The following RTN1 variants were observed in gnomAD, a reference collection of about 807,000 sequenced individuals.
RTN1 encodes the protein reticulon 1.
Under a neutral mutation model 65.5 loss-of-function variants are expected in RTN1, and 25 were observed. That is an observed-to-expected ratio of 0.38 (90% CI 0.28 to 0.53). The LOEUF (loss-of-function observed/expected upper bound fraction) is 0.53, where lower values mean the gene tolerates loss of function less well. Among genes scored for constraint, RTN1 ranks in the 20% least tolerant of loss-of-function variants. RTN1 has a pLI of 0.79. For synonymous variants in RTN1, 471 were observed against 447.6 expected (o/e 1.05, Z -0.66); for missense variants, 983 against 1,025.4 (o/e 0.96, Z 0.57).
intron 3 of RTN1, among the ~76,000 whole-genome samples, chr14:59,668,903 A>C (rs1166606155): frequency 1.3e-5 from 2 of 152,198 alleles, no homozygotes; most frequent in Non-Finnish European, 2.9e-5. Context: ...AACCACAATG[A>C]GATGCCATCT....
chr14:59,839,859 A>C (rs1887279924), intron 1 of RTN1, among the ~76,000 whole-genome samples: 1 of 152,110 alleles, frequency 6.6e-6, no homozygotes, highest in Admixed American at 6.6e-5. Context: ...GTATGTTTTT[A>C]GTATTACACA....
intron 3 of RTN1, among the ~76,000 whole-genome samples, chr14:59,685,671 C>T (rs964733354): frequency 2.6e-5 from 4 of 152,034 alleles, no homozygotes; most frequent in African/African-American, 7.2e-5. Context: ...GAAAAAGACA[C>T]AAATAAATGG....
At chr14:59,854,676 C>T (rs1435426934) in intron 1 of RTN1, among the ~76,000 whole-genome samples, 1 of 142,044 alleles carries the variant, frequency 7.0e-6, no homozygotes, top group African/African-American at 2.6e-5. Flanking sequence ...AGATGCTGCA[C>T]AAGAAAAGCC....
At position 59,825,798 on chromosome 14, in the gene RTN1, T is replaced by C. The variant is rs548511492; in HGVS notation, c.241+44592A>G. Among the ~76,000 whole-genome samples, 143 of 152,252 alleles carry C rather than the reference T, an allele frequency of 9.4e-4. No homozygotes were observed. The highest frequency in any genetic ancestry group is 9.9e-4 in the Non-Finnish European group (67 of 68,008). On this transcript the variant is annotated intron_variant, in intron 1 of 8. Coordinates refer to ENST00000267484, the MANE Select transcript of RTN1 (RefSeq NM_021136.3). The surrounding 1 kb of genome is among the most constrained non-coding windows in gnomAD (Gnocchi z 4.2). ...TAGACCTCGGGTATGCCATAGAAACTAAATGGCATTACCCAAGGTCTCAAA... is the reference window on the plus strand; with the variant it reads ...TAGACCTCGGGTATGCCATAGAAACCAAATGGCATTACCCAAGGTCTCAAA...
At chr14:59,603,313 C>T in intron 6 of RTN1, 55 bp from the exon 7 acceptor site, 1 of 1,308,276 alleles carries the variant, frequency 7.6e-7, no homozygotes, top group Non-Finnish European at 1.1e-6. Context: ...TAAGAATACG[C>T]TTATAGACAC....
At chr14:59,755,321 G>GTA (rs1273785667) in intron 1 of RTN1, among the ~76,000 whole-genome samples, 9 of 152,136 alleles carry the variant, frequency 5.9e-5, no homozygotes, top group Admixed American at 2.6e-4. Context: ...ATATTAACAG[G>GTA]TATAGGGGAC....
chr14:59,857,208 T>A (rs1191264016), intron 1 of RTN1, among the ~76,000 whole-genome samples: 1 of 152,186 alleles, frequency 6.6e-6, no homozygotes, highest in Non-Finnish European at 1.5e-5. Context: ...TAAGCTTTTT[T>A]AATGAGGGGC....
chr14:59,702,315 T>C (rs560168318), intron 3 of RTN1, among the ~76,000 whole-genome samples: 35 of 152,334 alleles, frequency 2.3e-4, no homozygotes, highest in African/African-American at 7.2e-4. Flanking sequence ...TTACTTATGA[T>C]CTACATCTGT....
intron 3 of RTN1, 147 bp downstream of exon 3, chr14:59,726,772 C>T (rs1884769751): frequency 1.4e-6 from 1 of 714,494 alleles, no homozygotes; most frequent in Non-Finnish European, 2.3e-6. Flanking sequence ...CTCTCATCTC[C>T]TCCCATCCCC....
intron 3 of RTN1, among the ~76,000 whole-genome samples, chr14:59,635,049 T>C (rs1484942671): frequency 1.3e-5 from 2 of 152,200 alleles, no homozygotes; most frequent in Non-Finnish European, 2.9e-5. Context: ...TGATAAATTC[T>C]AGGGTTATGA....
intron 1 of RTN1, among the ~76,000 whole-genome samples, chr14:59,855,893 G>A (rs369553446): frequency 1.3e-5 from 2 of 152,152 alleles, no homozygotes; most frequent in African/African-American, 4.8e-5. Context: ...ATGGAGGTGG[G>A]ACCTCAGTTT....
intron 6 of RTN1, 106 bp from the exon 7 acceptor site, chr14:59,603,364 T>C: frequency 2.5e-6 from 2 of 807,758 alleles, no homozygotes; most frequent in East Asian, 2.8e-5. Flanking sequence ...TTATTTGGAA[T>C]ATACAGCATT....
At position 59,790,469 on chromosome 14, in the gene RTN1, CCTTATTGT is replaced by C. The variant is rs1232031754; in HGVS notation, c.242-43996_242-43989del. Among the ~76,000 whole-genome samples, 2 of 151,922 alleles carry C rather than the reference CCTTATTGT, an allele frequency of 1.3e-5. No individual in the cohort carries two copies. Among genetic ancestry groups the C allele is most frequent in the African/African-American group, 2.4e-5 (1 of 41,372 alleles). On this transcript the variant is annotated intron_variant, in intron 1 of 8. Transcript: ENST00000267484. This position sits in a 1 kb window ranked among gnomAD's most constrained non-coding sequence, Gnocchi z 4.1. ...TTATTCATAATTTTTCTCCACTTTG[CCTTATTGT>C]CTTTTGGCTTTGATTGCTGCCTTGG...
chr14:59,728,442 G>C (rs1041992127), intron 2 of RTN1, among the ~76,000 whole-genome samples: 6 of 151,828 alleles, frequency 4.0e-5, no homozygotes, highest in Non-Finnish European at 5.9e-5. Flanking sequence ...CAAAACCTGA[G>C]AGTCACTCCT....
intron 3 of RTN1, among the ~76,000 whole-genome samples, chr14:59,639,104 G>A (rs1029779538): frequency 3.9e-5 from 6 of 152,172 alleles, no homozygotes; most frequent in African/African-American, 1.4e-4. Flanking sequence ...GGAATAAAGA[G>A]ACGTGAGAAG....
At chr14:59,652,500 A>C (rs761669211) in intron 3 of RTN1, among the ~76,000 whole-genome samples, 2 of 152,226 alleles carry the variant, frequency 1.3e-5, no homozygotes, top group African/African-American at 2.4e-5. Flanking sequence ...ATGTAGCCAT[A>C]AAAATGAACA....
At chr14:59,848,750 G>A (rs1487371890) in intron 1 of RTN1, among the ~76,000 whole-genome samples, 1 of 152,100 alleles carries the variant, frequency 6.6e-6, no homozygotes, top group Non-Finnish European at 1.5e-5. Flanking sequence ...TAAAACTCTG[G>A]TGCTTATATG....
intron 3 of RTN1, among the ~76,000 whole-genome samples, chr14:59,722,594 G>T (rs1304324225): frequency 6.6e-6 from 1 of 152,052 alleles, no homozygotes; most frequent in Non-Finnish European, 1.5e-5. Flanking sequence ...AGCTGATATT[G>T]TCCCTAATTT....
intron 1 of RTN1, among the ~76,000 whole-genome samples, chr14:59,869,579 T>TGG (rs753626233): frequency 7.1e-5 from 4 of 56,352 alleles, no homozygotes; most frequent in Non-Finnish European, 1.3e-4. Flanking sequence ...ATTTCCGGGG[T>TGG]GGGGGGGGGG....
Sources: gnomAD v4.1 joint callset for allele counts (sites outside exome capture counted in the v4.1 genomes callset) on GRCh38, gnomAD v4.1.1 for gene constraint, Gnocchi (gnomAD v3.1) non-coding constraint, MANE v1.5 for transcripts, NCBI Gene and HGNC (gene_info 2026-07-23, HGNC 2026-07-21) for gene names.